NTRK3: variants seen among roughly 807,000 people sequenced by gnomAD.
NTRK3 encodes NT-3 growth factor receptor.
Under a neutral mutation model 91.7 loss-of-function variants are expected in NTRK3, and 24 were observed. That is an observed-to-expected ratio of 0.26 (90% CI 0.19 to 0.37). The LOEUF is 0.37. Among genes scored for constraint, NTRK3 ranks in the 10% least tolerant of loss-of-function variants. The pLI, the probability that NTRK3 is intolerant of heterozygous loss-of-function variation, is 1.00. For missense variants in NTRK3, 880 were observed against 1,068.9 expected (o/e 0.82, Z 2.46); for synonymous variants, 483 against 404.0 (o/e 1.20, Z -2.34).
chr15:88,135,218 G>T, exon 10 of NTRK3: 2 of 1,614,218 alleles, frequency 1.2e-6, no homozygotes, highest in Non-Finnish European at 1.7e-6. Flanking sequence ...TTGAAGAGCA[G>T]GCAGCCCTCG....
chr15:88,055,864 A>G (rs932594203), intron 13 of NTRK3, among the ~76,000 whole-genome samples: 4 of 152,238 alleles, frequency 2.6e-5, no homozygotes, highest in African/African-American at 9.6e-5. Flanking sequence ...CAGCTGGAAC[A>G]GACTTAGAGT....
intron 14 of NTRK3, among the ~76,000 whole-genome samples, chr15:88,014,937 CA>C (rs1158554280): frequency 6.6e-6 from 1 of 152,180 alleles, no homozygotes; most frequent in African/African-American, 2.4e-5. Flanking sequence ...CAAATCTAGG[CA>C]AACTTCCATT....
chr15:88,007,090 C>T (rs2076546446), intron 14 of NTRK3, among the ~76,000 whole-genome samples: 1 of 152,050 alleles, frequency 6.6e-6, no homozygotes, highest in South Asian at 2.1e-4. Flanking sequence ...GAGACATGAC[C>T]CCCGGCCTCC....
intron 13 of NTRK3, among the ~76,000 whole-genome samples, chr15:88,052,626 T>A (rs1211602961): frequency 6.6e-6 from 1 of 152,222 alleles, no homozygotes; most frequent in East Asian, 1.9e-4. Flanking sequence ...CTGATTGTAA[T>A]CACTGGGAGT....
intron 14 of NTRK3, among the ~76,000 whole-genome samples, chr15:87,995,304 A>C (rs2075608508): frequency 6.6e-6 from 1 of 152,192 alleles, no homozygotes; most frequent in South Asian, 2.1e-4. Flanking sequence ...TGACAGAAAG[A>C]ACCTCAAGGA....
exon 19 of NTRK3, chr15:87,862,818 T>C (rs2064562275): frequency 4.4e-6 from 1 of 229,742 alleles, no homozygotes; most frequent in Admixed American, 5.7e-5. Flanking sequence ...GGTTGAAGGG[T>C]GGATGCTGAG....
intron 13 of NTRK3, among the ~76,000 whole-genome samples, chr15:88,123,801 G>A (rs1350304011): frequency 6.6e-6 from 1 of 152,210 alleles, no homozygotes; most frequent in Non-Finnish European, 1.5e-5. Context: ...TCAATAGGAA[G>A]GTTCAATAAG....
At chr15:88,001,326 A>G (rs1338664187) in intron 14 of NTRK3, among the ~76,000 whole-genome samples, 1 of 152,082 alleles carries the variant, frequency 6.6e-6, no homozygotes, top group African/African-American at 2.4e-5. Context: ...TGAAGCAAAA[A>G]AGTTTTCAAT....
chr15:88,153,658 AATTT>A (rs1244666998), intron 5 of NTRK3, among the ~76,000 whole-genome samples: 3 of 152,066 alleles, frequency 2.0e-5, no homozygotes, highest in African/African-American at 7.2e-5. Flanking sequence ...AAACAATAGG[AATTT>A]ATTTCTTAGT....
intron 17 of NTRK3, among the ~76,000 whole-genome samples, chr15:87,917,053 C>T (rs916882599): frequency 3.9e-5 from 6 of 152,228 alleles, no homozygotes; most frequent in African/African-American, 7.2e-5. Context: ...TACAAACCAC[C>T]GCACCTGGCC....
chr15:87,934,667 A>C (rs1409758029), intron 15 of NTRK3, among the ~76,000 whole-genome samples: 1 of 152,190 alleles, frequency 6.6e-6, no homozygotes, highest in Non-Finnish European at 1.5e-5. Flanking sequence ...GGCCCTAGAC[A>C]TCATCTACTC....
intron 3 of NTRK3, among the ~76,000 whole-genome samples, chr15:88,207,224 C>A (rs1406036815): frequency 6.6e-6 from 1 of 152,154 alleles, no homozygotes; most frequent in Admixed American, 6.5e-5. Flanking sequence ...ATATTACCTG[C>A]CTCCAGCGAG....
chr15:88,256,231 G>A (rs2142092173), intron 2 of NTRK3, 53 bp downstream of exon 2: 2 of 370,734 alleles, frequency 5.4e-6, no homozygotes, highest in Non-Finnish European at 9.9e-6. Flanking sequence ...GAGCAGGGGG[G>A]GAAGGAAACA....
intron 13 of NTRK3, among the ~76,000 whole-genome samples, chr15:88,053,950 C>T (rs1340537110): frequency 6.6e-6 from 1 of 152,186 alleles, no homozygotes; most frequent in Non-Finnish European, 1.5e-5. Context: ...TATGACACTA[C>T]AGGAAGCTGA....
At chr15:88,231,750 C>T (rs1379085040) in intron 3 of NTRK3, among the ~76,000 whole-genome samples, 2 of 152,172 alleles carry the variant, frequency 1.3e-5, no homozygotes, top group African/African-American at 4.8e-5. Context: ...TCAGAGATCA[C>T]TTTTTGCCTT....
chr15:87,888,359 G>A (rs2065667546), intron 17 of NTRK3, among the ~76,000 whole-genome samples: 1 of 152,122 alleles, frequency 6.6e-6, no homozygotes, highest in Non-Finnish European at 1.5e-5. Flanking sequence ...GAGACCAGAT[G>A]GGTTCTGAAT....
chr15:88,179,943 C>T (rs546348659), intron 5 of NTRK3, among the ~76,000 whole-genome samples: 8 of 152,298 alleles, frequency 5.3e-5, no homozygotes, highest in African/African-American at 1.9e-4. Flanking sequence ...AGGTGGGCTC[C>T]ACTGTGAGAC....
chr15:88,084,884 G>A (rs2048361252), intron 13 of NTRK3, among the ~76,000 whole-genome samples: 2 of 152,182 alleles, frequency 1.3e-5, no homozygotes, highest in South Asian at 4.1e-4. Context: ...TCCTCCCTTT[G>A]ACAAGGGGCA....
intron 5 of NTRK3, among the ~76,000 whole-genome samples, chr15:88,156,645 T>C (rs2043930200): frequency 6.6e-6 from 1 of 152,092 alleles, no homozygotes; most frequent in Non-Finnish European, 1.5e-5. Flanking sequence ...TGCAGACGGC[T>C]AGCACCACCC....
Sources: gnomAD v4.1 joint callset for allele counts (sites outside exome capture counted in the v4.1 genomes callset) on GRCh38, gnomAD v4.1.1 for gene constraint, MANE v1.5 for transcripts, NCBI Gene and HGNC (gene_info 2026-07-23, HGNC 2026-07-21) for gene names.